Variants in RELCH observed in about 807,000 individuals in gnomAD.
The protein encoded by RELCH is RAB11-binding protein RELCH.
In RELCH, 41 loss-of-function variants were observed where a neutral mutation model predicts 150.3. That is an observed-to-expected ratio of 0.27 (90% CI 0.21 to 0.35). The LOEUF is 0.35. Ranked by LOEUF, RELCH falls within the 10% of genes least tolerant of loss-of-function variation. The pLI, the probability that RELCH is intolerant of heterozygous loss-of-function variation, is 1.00. For missense variants in RELCH, 1,092 were observed against 1,467.8 expected, an observed-to-expected ratio of 0.74 and a Z score of 4.18; for synonymous variants, 478 against 531.8, an observed-to-expected ratio of 0.90 and a Z score of 1.39.
At chr18:62,215,021 C>T (rs1037987562) in intron 2 of RELCH, among the ~76,000 whole-genome samples, 3 of 152,162 alleles carry the variant, frequency 2.0e-5, no homozygotes, top group Non-Finnish European at 2.9e-5. Flanking sequence ...CAAATGGCCA[C>T]TTACCACACC....
rs142380602 is a variant in RELCH, at chr18:62,292,756, C to T, written c.3459+1125C>T. Among the ~76,000 whole-genome samples, 333 of 152,282 alleles carry T rather than the reference C, an allele frequency of 2.2e-3. 2 individuals are homozygous for T. The highest frequency in any genetic ancestry group is 7.5e-3 in the African/African-American group (313 of 41,554). Reference sequence around the variant, plus strand: ...GTATGTCCAATTAGTTCTTTAATTTCATAATGTCTTTCTAATCTCTTCCGT... The same window carrying T: ...GTATGTCCAATTAGTTCTTTAATTTTATAATGTCTTTCTAATCTCTTCCGT... On this transcript the variant is annotated intron_variant, in intron 27 of 28. Coordinates refer to ENST00000644646, the MANE Select transcript of RELCH (RefSeq NM_001346231.2).
At chr18:62,219,166 TG>T (rs1219197374) in intron 2 of RELCH, among the ~76,000 whole-genome samples, 3 of 151,822 alleles carry the variant, frequency 2.0e-5, no homozygotes, top group Non-Finnish European at 4.4e-5. Context: ...TATATGTAGA[TG>T]TGCATAAAAA....
intron 10 of RELCH, among the ~76,000 whole-genome samples, chr18:62,242,493 A>G (rs1320663694): frequency 6.6e-6 from 1 of 152,138 alleles, no homozygotes; most frequent in African/African-American, 2.4e-5. Flanking sequence ...AGTGTTTTCC[A>G]TTTGTGCATT....
intron 15 of RELCH, among the ~76,000 whole-genome samples, chr18:62,259,534 T>C (rs997426205): frequency 6.6e-6 from 1 of 151,830 alleles, no homozygotes; most frequent in African/African-American, 2.4e-5. Flanking sequence ...ATAGAAGAAT[T>C]AATATTGTTA....
At chr18:62,227,895 G>A (rs1045079636) in intron 7 of RELCH, among the ~76,000 whole-genome samples, 1 of 151,934 alleles carries the variant, frequency 6.6e-6, no homozygotes, top group Non-Finnish European at 1.5e-5. Flanking sequence ...AATCAATATG[G>A]TGATCTTACA....
chr18:62,269,986 A>G (rs2043802960), intron 20 of RELCH, among the ~76,000 whole-genome samples: 1 of 152,160 alleles, frequency 6.6e-6, no homozygotes, highest in African/African-American at 2.4e-5. Context: ...ATAATGGTCT[A>G]TTATAACTGT....
At chr18:62,279,695 T>A in intron 22 of RELCH, 79 bp from the exon 23 acceptor site, 1 of 913,748 alleles carries the variant, frequency 1.1e-6, no homozygotes, top group Non-Finnish European at 1.7e-6. Flanking sequence ...TCTTGGTTGT[T>A]CCTTCCTTCT....
At chr18:62,188,238 T>C (rs2038299829) in intron 1 of RELCH, among the ~76,000 whole-genome samples, 1 of 152,208 alleles carries the variant, frequency 6.6e-6, no homozygotes, top group Non-Finnish European at 1.5e-5. Flanking sequence ...TGGCTGGTGT[T>C]GCACTTGGCT....
chr18:62,300,688 C>T (rs987614236), intron 28 of RELCH: 7 of 152,240 alleles, frequency 4.6e-5, no homozygotes, highest in African/African-American at 1.4e-4. Context: ...GGTTGTGACA[C>T]GTATTTCATC....
intron 11 of RELCH, chr18:62,247,064 A>G (rs1217147274): frequency 6.6e-6 from 1 of 152,224 alleles, no homozygotes; most frequent in Non-Finnish European, 1.5e-5. Flanking sequence ...CAGCAGAACG[A>G]CATTAAATTA....
At chr18:62,267,081 A>G (rs1201902510) in intron 19 of RELCH, among the ~76,000 whole-genome samples, 3 of 151,990 alleles carry the variant, frequency 2.0e-5, no homozygotes, top group African/African-American at 7.2e-5. Flanking sequence ...AATAAGCTGC[A>G]TCTAATTCCT....
chr18:62,265,146 T>G (rs1265536071), intron 18 of RELCH, among the ~76,000 whole-genome samples: 2 of 152,072 alleles, frequency 1.3e-5, no homozygotes, highest in Admixed American at 1.3e-4. Flanking sequence ...GCTAGGGAAC[T>G]CAACCACAAT....
chr18:62,277,585 T>C, intron 22 of RELCH: 1 of 861,576 alleles, frequency 1.2e-6, no homozygotes, highest in Non-Finnish European at 1.4e-6. Context: ...TTTTAAAAGG[T>C]AAGACCAGAA....
intron 8 of RELCH, among the ~76,000 whole-genome samples, chr18:62,229,056 A>G (rs1425329011): frequency 1.3e-5 from 2 of 151,954 alleles, no homozygotes; most frequent in Non-Finnish European, 2.9e-5. Flanking sequence ...CTGTTAATTC[A>G]TATGTTTAAT....
chr18:62,196,988 T>G (rs2039092781), intron 1 of RELCH, among the ~76,000 whole-genome samples: 1 of 152,204 alleles, frequency 6.6e-6, no homozygotes, highest in South Asian at 2.1e-4. Context: ...AGTTTGACCC[T>G]CCAGAGTGGG....
chr18:62,189,604 G>A (rs1397563724), intron 1 of RELCH, among the ~76,000 whole-genome samples: 2 of 152,156 alleles, frequency 1.3e-5, no homozygotes, highest in African/African-American at 2.4e-5. Context: ...TTAATACAGT[G>A]AAATGGATTA....
At chr18:62,246,004 C>T (rs961532024) in intron 11 of RELCH, 7 of 152,112 alleles carry the variant, frequency 4.6e-5, no homozygotes, top group Non-Finnish European at 8.8e-5. Context: ...TACCTGGTGA[C>T]CCCCTCAGGC....
At chr18:62,249,974 CAAT>C (rs2042615883) in intron 11 of RELCH, among the ~76,000 whole-genome samples, 2 of 152,092 alleles carry the variant, frequency 1.3e-5, no homozygotes, top group Admixed American at 6.6e-5. Context: ...ATTTTATGCT[CAAT>C]AATGATGCTT....
intron 1 of RELCH, among the ~76,000 whole-genome samples, chr18:62,198,323 A>G (rs2039184958): frequency 6.6e-6 from 1 of 152,176 alleles, no homozygotes; most frequent in South Asian, 2.1e-4. Flanking sequence ...TTTAATCTTC[A>G]GGGTTTGCTG....
Sources: gnomAD v4.1 joint callset for allele counts (sites outside exome capture counted in the v4.1 genomes callset) on GRCh38, gnomAD v4.1.1 for gene constraint, MANE v1.5 for transcripts, NCBI Gene and HGNC (gene_info 2026-07-23, HGNC 2026-07-21) for gene names.